Variants in OGFR observed in about 807,000 individuals in gnomAD.
The protein encoded by OGFR is opioid growth factor receptor.
In OGFR, 18 loss-of-function variants were observed where a neutral mutation model predicts 33.6. That is an observed-to-expected ratio of 0.54 (90% CI 0.37 to 0.80). The LOEUF is 0.80. OGFR is among the 30% of genes least tolerant of loss of function. The pLI, the probability that OGFR is intolerant of heterozygous loss-of-function variation, is 0.00. For missense variants in OGFR, 877 were observed against 955.8 expected (o/e 0.92, Z 1.09); for synonymous variants, 370 against 400.7 (o/e 0.92, Z 0.91).
intron 1 of OGFR, 73 bp from the exon 2 acceptor site, chr20:62,807,464 G>A (rs2147182659): frequency 4.3e-6 from 6 of 1,383,566 alleles, no homozygotes; most frequent in African/African-American, 1.4e-5. Context: ...CCCAGGCCCT[G>A]CAGCCCTCAC....
chr20:62,804,844 C>A lies in OGFR; in HGVS notation c.-16C>A. Reference sequence around the variant, plus strand: ...TTTCGCTTCCGCCTCCAGCGCGAGCCCCGCCGCCGCCGAGCATGGACGACC... The same window carrying A: ...TTTCGCTTCCGCCTCCAGCGCGAGCACCGCCGCCGCCGAGCATGGACGACC... On this transcript the variant is annotated 5_prime_UTR_variant, in exon 1 of 7. Coordinates refer to ENST00000290291, the MANE Select transcript of OGFR (RefSeq NM_007346.4). 1 of 1,448,530 alleles carries A rather than the reference C, an allele frequency of 6.9e-7. No homozygotes were observed. The allele number at this position is 1,448,530 out of a possible 1,614,324, so 89.7% of individuals were successfully genotyped here.
chr20:62,809,720 T>G, intron 4 of OGFR, 57 bp downstream of exon 4: 8 of 1,325,152 alleles, frequency 6.0e-6, no homozygotes, highest in South Asian at 1.2e-5. Context: ...GGGAGGGCCC[T>G]CCCAGGCAGG....
At chr20:62,807,695 C>A in intron 2 of OGFR, 90 bp downstream of exon 2, 2 of 1,387,098 alleles carry the variant, frequency 1.4e-6, no homozygotes, top group Non-Finnish European at 2.0e-6. Context: ...GGAAGGCTGG[C>A]CTGGCTTGCT....
rs369405396 is a variant in OGFR at position 62,813,110 on chromosome 20, G to A, written c.1495G>A (p.Gly499Arg). ...GHPKAGHSEN[G>R]VEEDTEGRTG... ...CCCCAAGGCTGGACACAGTGAGAAC[G>A]GGGTTGAGGAGGACACAGAAGGTCG... The change falls in exon 7 of 7, where the codon GGG becomes AGG. Residue 499 changes from glycine (G) to arginine (R), a missense_variant. Transcript: ENST00000290291. 111 of 1,579,406 alleles carry A rather than the reference G, an allele frequency of 7.0e-5. No homozygotes were observed. The highest frequency in any genetic ancestry group is 8.9e-5 in the Non-Finnish European group (104 of 1,162,754).
At chr20:62,809,939 C>T (rs375487958) in intron 4 of OGFR, among the ~76,000 whole-genome samples, 2 of 152,358 alleles carry the variant, frequency 1.3e-5, no homozygotes, top group East Asian at 3.9e-4. Flanking sequence ...GGGGCAGGCA[C>T]TGCCTGCCAG....
intron 2 of OGFR, chr20:62,808,032 C>T: frequency 3.2e-6 from 2 of 630,994 alleles, no homozygotes; most frequent in Non-Finnish European, 5.7e-6. Context: ...CCAGGCCTGG[C>T]CTGGCTGGCG....
At chr20:62,807,427 C>T in intron 1 of OGFR, 110 bp from the exon 2 acceptor site, 2 of 927,468 alleles carry the variant, frequency 2.2e-6, no homozygotes, top group Non-Finnish European at 3.4e-6. Flanking sequence ...AACCCCCGCC[C>T]TTTAAAGACA....
chr20:62,805,767 A>C (rs1990578037), intron 1 of OGFR: 1 of 152,674 alleles, frequency 6.5e-6, no homozygotes, highest in Non-Finnish European at 1.5e-5. Context: ...GAGAGCACGG[A>C]GGGGCTCCGC....
chr20:62,810,531 G>A lies in OGFR; in HGVS notation c.431G>A (p.Trp144Ter), dbSNP rs1990700795. 6.2e-7 allele frequency: 1 copy of A among 1,613,158 alleles called. No homozygotes were observed. The highest frequency in any genetic ancestry group is 8.5e-7 in the Non-Finnish European group (1 of 1,179,884). Reference sequence around the variant, plus strand: ...CCTCTGCGAGAACCAGGAGTGAACTGGCATGCCAAGCCCCTCACGCTCAGG... The same window carrying A: ...CCTCTGCGAGAACCAGGAGTGAACTAGCATGCCAAGCCCCTCACGCTCAGG... Reference protein sequence around the residue: ...LFPLREPGVNWHAKPLTLREV... With the variant: ...LFPLREPGVN Residue 144 changes from tryptophan to a stop codon, truncating the protein, a stop_gained, in exon 5 of 7, where the codon TGG becomes TAG. Coordinates refer to ENST00000290291, the MANE Select transcript of OGFR (RefSeq NM_007346.4). LOFTEE classifies it high-confidence loss of function.
chr20:62,812,419 C>G lies in OGFR; in HGVS notation c.804C>G (p.Arg268=), dbSNP rs1005128838. The change falls in exon 7 of 7, where the codon CGC becomes CGG. Residue 268 remains arginine, a synonymous_variant. Coordinates refer to ENST00000290291, the MANE Select transcript of OGFR (RefSeq NM_007346.4). The part of the protein sequence containing the change: ...MFAVRCRHQR[R]QLVHFAWEHF... ...CCGTGCGCTGCCGACACCAGCGCCG[C>G]CAGCTGGTGCACTTCGCCTGGGAGC... is the stretch of plus-strand genomic sequence containing the variant. 42 of 1,579,502 alleles carry G rather than the reference C, an allele frequency of 2.7e-5. No individual in the cohort carries two copies. Among genetic ancestry groups the G allele is most frequent in the Non-Finnish European group, 3.4e-5 (40 of 1,164,002 alleles).
Position 62,812,451 on chromosome 20 carries a change from G to T in OGFR, c.836G>T (p.Arg279Leu). ...QLVHFAWEHF[R>L]PRCKFVWGPQ... Reference sequence around the variant, plus strand: ...GTGCACTTCGCCTGGGAGCACTTCCGGCCCCGCTGCAAGTTCGTCTGGGGG... The same window carrying T: ...GTGCACTTCGCCTGGGAGCACTTCCTGCCCCGCTGCAAGTTCGTCTGGGGG... Residue 279 changes from arginine (R) to leucine (L), a missense_variant, in exon 7 of 7, where the codon CGG becomes CTG. Physicochemically the swap from Arg to Leu is moderately radical, Grantham distance 102. Transcript: ENST00000290291. 2 of 1,579,548 alleles carry T rather than the reference G, an allele frequency of 1.3e-6. No homozygotes were observed. Among genetic ancestry groups the T allele is most frequent in the Non-Finnish European group, 1.7e-6 (2 of 1,163,418 alleles).
chr20:62,813,839 T>A lies in OGFR; in HGVS notation c.*190T>A. 1 of 645,112 alleles carries A rather than the reference T, an allele frequency of 1.6e-6. No homozygotes were observed. Among genetic ancestry groups the A allele is most frequent in the Non-Finnish European group, 2.7e-6 (1 of 376,142 alleles). The allele number at this position is 645,112 out of a possible 1,614,324, so 40.0% of individuals were successfully genotyped here. ...GAGGCCCTCAGGGAAGCCCAAGGCC[T>A]GCAGAAGCCTCCTGGCCTGGCTGTG... On this transcript the variant is annotated 3_prime_UTR_variant, in exon 7 of 7. Coordinates refer to ENST00000290291, the MANE Select transcript of OGFR (RefSeq NM_007346.4).
At chr20:62,808,087 C>A in intron 2 of OGFR, 160 bp from the exon 3 acceptor site, 1 of 713,344 alleles carries the variant, frequency 1.4e-6, no homozygotes, top group Non-Finnish European at 2.6e-6. Context: ...AGCTGCTGTC[C>A]TCTGAATGGC....
At chr20:62,809,752 T>A in intron 4 of OGFR, 89 bp downstream of exon 4, 2 of 1,002,676 alleles carry the variant, frequency 2.0e-6, no homozygotes, top group Non-Finnish European at 3.2e-6. Context: ...CGCTGCTTCC[T>A]GGCACGGACT....
rs372675210 is a variant in OGFR at position 62,813,232 on chromosome 20, G to A, written c.1617G>A (p.Ser539=). Residue 539 remains serine, a synonymous_variant, in exon 7 of 7, where the codon TCG becomes TCA. Transcript: ENST00000290291. ...GGGACGAGCCAGCCGAGAGCCCATCGGAGACCCCAGGCCCCCGCCCAGCAG... is the reference window on the plus strand; with the variant it reads ...GGGACGAGCCAGCCGAGAGCCCATCAGAGACCCCAGGCCCCCGCCCAGCAG... ...PAGDEPAESP[S]ETPGPRPAGP... is the part of the protein sequence containing the mutation. 199 of 1,559,678 alleles carry A rather than the reference G, an allele frequency of 1.3e-4. No individual in the cohort carries two copies. In the East Asian group the frequency reaches 2.1e-3, roughly 16 times the overall value.
At chr20:62,807,193 T>G in intron 1 of OGFR, 1 of 345,068 alleles carries the variant, frequency 2.9e-6, no homozygotes, top group Non-Finnish European at 5.4e-6. Context: ...GAGGAGAGGG[T>G]CAGGGCCACA....
chr20:62,805,191 G>A (rs1001067217), intron 1 of OGFR, among the ~76,000 whole-genome samples, 161 bp downstream of exon 1: 1 of 151,822 alleles, frequency 6.6e-6, no homozygotes, highest in Admixed American at 6.6e-5. Flanking sequence ...CCAGCCCCAG[G>A]GCCCGGCGGG....
rs574101956 is a variant in OGFR, at chr20:62,809,499, C to T, written c.320-86C>T. ...TTGGGGAAGCTGCTGGCAGCACTCT[C>T]TCCTTATGTCCCCCACCCACACCCC... On this transcript the variant is annotated intron_variant, in intron 3 of 6. Transcript: ENST00000290291. 4.7e-5 allele frequency: 47 copies of T among 995,370 alleles called. No individual in the cohort carries two copies. The African/African-American group carries it at 7.0e-4, about 15-fold the overall frequency. The allele number at this position is 995,370 out of a possible 1,614,324, so 61.7% of individuals were successfully genotyped here.
At chr20:62,810,668 C>A (rs1990706003) in intron 5 of OGFR, 103 bp downstream of exon 5, 1 of 1,074,124 alleles carries the variant, frequency 9.3e-7, no homozygotes, top group Non-Finnish European at 1.4e-6. Flanking sequence ...CATTTGGTGC[C>A]CCCTCAGGGG....
Sources: gnomAD v4.1 joint callset for allele counts (sites outside exome capture counted in the v4.1 genomes callset) on GRCh38, gnomAD v4.1.1 for gene constraint, MANE v1.5 for transcripts, NCBI Gene and HGNC (gene_info 2026-07-23, HGNC 2026-07-21) for gene names.